Variants in ROR2 observed in about 807,000 individuals in gnomAD.
ROR2 encodes tyrosine-protein kinase transmembrane receptor ROR2.
Under a neutral mutation model 74.9 loss-of-function variants are expected in ROR2, and 33 were observed. That is an observed-to-expected ratio of 0.44 (90% confidence interval 0.33 to 0.59). ROR2 has a LOEUF of 0.59. Among genes scored for constraint, ROR2 ranks in the 20% least tolerant of loss-of-function variants. The probability of loss-of-function intolerance (pLI) is 0.02; values close to 1 mark genes in which losing one functional copy is unlikely to be tolerated. For missense variants in ROR2, 1,216 were observed against 1,313.8 expected, an observed-to-expected ratio of 0.93 and a Z score of 1.15; for synonymous variants, 586 against 558.7, an observed-to-expected ratio of 1.05 and a Z score of -0.69.
chr9:91,740,905 C>T (rs1825213088), intron 4 of ROR2, among the ~76,000 whole-genome samples: 1 of 152,114 alleles, frequency 6.6e-6, no homozygotes, highest in Admixed American at 6.5e-5. Context: ...AAATCCCCTG[C>T]CCCTCATGCT....
At chr9:91,909,859 T>TTTTTTTTTTTTTTTTTG (rs1830926001) in intron 1 of ROR2, among the ~76,000 whole-genome samples, 1 of 126,968 alleles carries the variant, frequency 7.9e-6, no homozygotes, top group Non-Finnish European at 1.6e-5. Context: ...TTTTTTTTTT[T>TTTTTTTTTTTTTTTTTG]TTTTTTTTTT....
intron 1 of ROR2, among the ~76,000 whole-genome samples, chr9:91,915,826 C>G (rs1831118415): frequency 1.3e-5 from 2 of 152,192 alleles, no homozygotes; most frequent in Non-Finnish European, 2.9e-5. Context: ...CTAATTGGTG[C>G]TTTTTACAAT....
chr9:91,835,726 C>T (rs1337669663), intron 1 of ROR2, among the ~76,000 whole-genome samples: 2 of 152,234 alleles, frequency 1.3e-5, no homozygotes, highest in East Asian at 3.8e-4. Context: ...GCTACCACTA[C>T]TTGCAGCTGC....
chr9:91,735,917 CTTTT>C (rs372421759), intron 5 of ROR2, among the ~76,000 whole-genome samples: 1 of 151,968 alleles, frequency 6.6e-6, no homozygotes, highest in Non-Finnish European at 1.5e-5. Context: ...TGCCCGGCCA[CTTTT>C]TTATTTAATG....
Position 91,753,049 on chromosome 9 carries a change from T to C in ROR2, c.494+3022A>G, listed in dbSNP as rs543907280. ...TCAAAACACAAAGGAAAGTAGTCCT[T>C]GATAAGAAAATTCAATTTAGATATT... On this transcript the variant is annotated intron_variant, in intron 4 of 8. Transcript: ENST00000375708. Among the ~76,000 whole-genome samples the C allele has an allele frequency of 3.3e-5, 5 of 152,330 alleles. No homozygotes were observed. In the East Asian group the frequency reaches 9.6e-4, roughly 29 times the overall value.
At chr9:91,918,658 T>C (rs1831195642) in intron 1 of ROR2, among the ~76,000 whole-genome samples, 1 of 152,194 alleles carries the variant, frequency 6.6e-6, no homozygotes, top group Non-Finnish European at 1.5e-5. Context: ...GGTTATACGA[T>C]TCTGTGAATA....
chr9:91,889,121 T>C (rs934789784), intron 1 of ROR2, among the ~76,000 whole-genome samples: 1 of 152,208 alleles, frequency 6.6e-6, no homozygotes, highest in Non-Finnish European at 1.5e-5. Flanking sequence ...AATCTTACTT[T>C]CCAGTGAGAC....
Position 91,854,223 on chromosome 9 carries a change from A to AT in ROR2, c.98-78406dup, listed in dbSNP as rs1295191913. 3.3e-5 allele frequency among the ~76,000 whole-genome samples: 5 copies of AT among 152,090 alleles called. No homozygotes were observed. In the East Asian group the frequency reaches 9.6e-4, roughly 29 times the overall value. ...TTGGAGGATTGCTGATAGCAGGGGG[A>AT]TGCACTGGCTCCCAGCACCCGACTG... On this transcript the variant is annotated intron_variant, in intron 1 of 8. Coordinates refer to ENST00000375708, the MANE Select transcript of ROR2 (RefSeq NM_004560.4).
At chr9:91,908,048 C>T (rs540473203) in intron 1 of ROR2, among the ~76,000 whole-genome samples, 67 of 152,274 alleles carry the variant, frequency 4.4e-4, no homozygotes, top group Admixed American at 7.8e-4. Context: ...ACTGCAAATG[C>T]CGCAAAACCC....
At chr9:91,812,273 T>C (rs1827777528) in intron 1 of ROR2, among the ~76,000 whole-genome samples, 1 of 152,088 alleles carries the variant, frequency 6.6e-6, no homozygotes, top group South Asian at 2.1e-4. Flanking sequence ...TCACATCTCT[T>C]GGAAGTAGAG....
chr9:91,940,303 G>A (rs1831815842), intron 1 of ROR2, among the ~76,000 whole-genome samples: 1 of 152,256 alleles, frequency 6.6e-6, no homozygotes, highest in Non-Finnish European at 1.5e-5. Flanking sequence ...GCTGTCTGGG[G>A]ACTGTTAAGT....
At chr9:91,902,896 AG>A (rs1463566512) in intron 1 of ROR2, among the ~76,000 whole-genome samples, 2 of 152,242 alleles carry the variant, frequency 1.3e-5, no homozygotes, top group African/African-American at 4.8e-5. Context: ...CAAGGTCCCT[AG>A]GGTGGTCAAA....
chr9:91,738,948 T>A (rs1825128322), intron 4 of ROR2, among the ~76,000 whole-genome samples: 1 of 152,230 alleles, frequency 6.6e-6, no homozygotes, highest in African/African-American at 2.4e-5. Context: ...AAAGCCATCA[T>A]GATAAGTATC....
chr9:91,774,103 T>G (rs1826334375), intron 2 of ROR2, among the ~76,000 whole-genome samples: 1 of 152,220 alleles, frequency 6.6e-6, no homozygotes, highest in South Asian at 2.1e-4. Flanking sequence ...GAGAAAGAAG[T>G]TGAGAATCTA....
intron 1 of ROR2, among the ~76,000 whole-genome samples, chr9:91,879,268 T>C (rs1327100010): frequency 6.6e-6 from 1 of 152,158 alleles, no homozygotes; most frequent in Non-Finnish European, 1.5e-5. Context: ...GACCTCCACC[T>C]TGGTAGGGCC....
chr9:91,731,742 C>T (rs1237852449), intron 6 of ROR2, among the ~76,000 whole-genome samples: 3 of 152,122 alleles, frequency 2.0e-5, no homozygotes, highest in Admixed American at 6.5e-5. Flanking sequence ...TGGTGAAACT[C>T]CGTCCCTGCT....
chr9:91,842,105 G>A (rs949516543), intron 1 of ROR2, among the ~76,000 whole-genome samples: 9 of 152,246 alleles, frequency 5.9e-5, no homozygotes, highest in Admixed American at 3.9e-4. Flanking sequence ...TGCAAAGCAA[G>A]TGCAGAATAA....
intron 1 of ROR2, among the ~76,000 whole-genome samples, chr9:91,921,736 G>A (rs564921894): frequency 5.3e-5 from 8 of 151,936 alleles, no homozygotes; most frequent in Non-Finnish European, 1.2e-4. Context: ...GGCGGCGCAC[G>A]CCTGTAGTCG....
At chr9:91,752,745 A>C (rs1043538413) in intron 4 of ROR2, among the ~76,000 whole-genome samples, 2 of 152,238 alleles carry the variant, frequency 1.3e-5, no homozygotes, top group Non-Finnish European at 2.9e-5. Flanking sequence ...AAGAAGGAGG[A>C]GCAAGAATCA....
Sources: gnomAD v4.1 joint callset for allele counts (sites outside exome capture counted in the v4.1 genomes callset) on GRCh38, gnomAD v4.1.1 for gene constraint, MANE v1.5 for transcripts, NCBI Gene and HGNC (gene_info 2026-07-23, HGNC 2026-07-21) for gene names.